The following GPC5 variants were observed in gnomAD, a reference collection of about 807,000 sequenced individuals.
GPC5 encodes the protein glypican 5.
A neutral mutation model predicts 53.9 loss-of-function variants in GPC5; 47 were observed. The observed-to-expected ratio is 0.87, with a 90% CI of 0.69 to 1.11. GPC5 has a LOEUF of 1.11. GPC5 is among the 50% of genes most tolerant of loss of function. GPC5 has a pLI of 0.00. For synonymous variants in GPC5, 286 were observed against 263.3 expected, an observed-to-expected ratio of 1.09 and a Z score of -0.84; for missense variants, 748 against 713.1, an observed-to-expected ratio of 1.05 and a Z score of -0.56.
chr13:92,031,849 T>A (rs1469403969), intron 6 of GPC5, among the ~76,000 whole-genome samples: 2 of 99,018 alleles, frequency 2.0e-5, no homozygotes, highest in Admixed American at 1.5e-4. Flanking sequence ...TATTACATAT[T>A]ATATATAATA....
chr13:92,153,932 C>T (rs1184931270), intron 7 of GPC5, among the ~76,000 whole-genome samples: 1 of 152,030 alleles, frequency 6.6e-6, no homozygotes, highest in Non-Finnish European at 1.5e-5. Context: ...GAAATTTAGC[C>T]CCTTCCCCAG....
At chr13:91,900,062 C>T (rs969827076) in intron 5 of GPC5, among the ~76,000 whole-genome samples, 28 of 151,918 alleles carry the variant, frequency 1.8e-4, no homozygotes, top group African/African-American at 6.3e-4. Flanking sequence ...TTAGAATTAT[C>T]GTATCTTGCA....
chr13:92,772,039 A>G (rs561711893), intron 7 of GPC5, among the ~76,000 whole-genome samples: 3 of 152,212 alleles, frequency 2.0e-5, no homozygotes, highest in African/African-American at 7.2e-5. Context: ...TCTTTCACAC[A>G]CTGAATTAAT....
chr13:91,521,875 G>T (rs1885834541), intron 2 of GPC5, among the ~76,000 whole-genome samples: 1 of 152,202 alleles, frequency 6.6e-6, no homozygotes, highest in Non-Finnish European at 1.5e-5. Flanking sequence ...ATAACTGACT[G>T]GCTCTAAAAT....
chr13:92,748,309 A>ATTT lies in GPC5; in HGVS notation c.1562-117971_1562-117969dup, dbSNP rs1340655374. On this transcript the variant is annotated intron_variant, in intron 7 of 7. Coordinates refer to ENST00000377067, the MANE Select transcript of GPC5 (RefSeq NM_004466.6). The stretch of plus-strand genomic sequence containing the variant: ...ATGGAGAAACTGACATCTGCATTTT[A>ATTT]TTTTATTATTATTATTATTATTATT... 6.4e-3 allele frequency among the ~76,000 whole-genome samples: 760 copies of ATTT among 117,932 alleles called. 6 individuals are homozygous for ATTT. The highest frequency in any genetic ancestry group is 0.023 in the African/African-American group (732 of 32,294). The allele number at this position is 117,932 out of a possible 152,430, so 77.4% of individuals were successfully genotyped here.
intron 7 of GPC5, among the ~76,000 whole-genome samples, chr13:92,432,810 G>A (rs143439838): frequency 1.2e-4 from 19 of 152,190 alleles, no homozygotes; most frequent in Non-Finnish European, 2.4e-4. Flanking sequence ...TAACCTCTAA[G>A]TAGCATGATT....
At chr13:91,684,165 G>A (rs917828113) in intron 2 of GPC5, among the ~76,000 whole-genome samples, 1 of 151,952 alleles carries the variant, frequency 6.6e-6, no homozygotes, top group Non-Finnish European at 1.5e-5. Context: ...TCTAATTCTT[G>A]TTGCTGGTTA....
At chr13:92,457,453 G>A (rs554849454) in intron 7 of GPC5, among the ~76,000 whole-genome samples, 1 of 151,838 alleles carries the variant, frequency 6.6e-6, no homozygotes, top group African/African-American at 2.4e-5. Context: ...ACATCTCCAG[G>A]CATTCCCATA....
intron 2 of GPC5, among the ~76,000 whole-genome samples, chr13:91,515,488 A>C (rs371093441): frequency 1.5e-4 from 23 of 152,180 alleles, no homozygotes; most frequent in East Asian, 1.3e-3. Flanking sequence ...ATTTTACATA[A>C]AAGGCTACAG....
intron 2 of GPC5, among the ~76,000 whole-genome samples, chr13:91,564,621 A>G (rs1283732918): frequency 1.3e-5 from 2 of 152,302 alleles, no homozygotes; most frequent in South Asian, 2.1e-4. Context: ...GGCAGAATAA[A>G]TCGCCTGCAG....
At chr13:92,246,172 T>C (rs2042649247) in intron 7 of GPC5, among the ~76,000 whole-genome samples, 1 of 152,112 alleles carries the variant, frequency 6.6e-6, no homozygotes, top group Admixed American at 6.5e-5. Flanking sequence ...TATTCCAAAG[T>C]AGCAACATAG....
intron 7 of GPC5, among the ~76,000 whole-genome samples, chr13:92,408,354 T>C (rs1875883365): frequency 6.6e-6 from 1 of 152,216 alleles, no homozygotes; most frequent in Non-Finnish European, 1.5e-5. Flanking sequence ...TCATGCTCAA[T>C]CAACTTTTCT....
intron 7 of GPC5, among the ~76,000 whole-genome samples, chr13:92,685,565 T>TTTTTTTTTAA (rs1887246233): frequency 1.4e-5 from 2 of 143,792 alleles, no homozygotes; most frequent in Admixed American, 7.0e-5. Context: ...TTTTAATTTT[T>TTTTTTTTTAA]TTTTTTTTTA....
chr13:91,540,416 T>C (rs1431361992), intron 2 of GPC5, among the ~76,000 whole-genome samples: 1 of 150,068 alleles, frequency 6.7e-6, no homozygotes, highest in Non-Finnish European at 1.5e-5. Flanking sequence ...AAGAGGCACA[T>C]TTTTAGTGGG....
At chr13:92,589,372 T>C (rs934601987) in intron 7 of GPC5, among the ~76,000 whole-genome samples, 1 of 152,228 alleles carries the variant, frequency 6.6e-6, no homozygotes, top group Admixed American at 6.5e-5. Flanking sequence ...GATTTTCTAC[T>C]GTTGTTTTTC....
chr13:92,738,194 T>C (rs917354614), intron 7 of GPC5, among the ~76,000 whole-genome samples: 1 of 152,098 alleles, frequency 6.6e-6, no homozygotes, highest in Admixed American at 6.6e-5. Flanking sequence ...TATATCTATG[T>C]CATCTCTTTG....
At chr13:91,422,263 T>C (rs956431021) in intron 1 of GPC5, among the ~76,000 whole-genome samples, 8 of 152,206 alleles carry the variant, frequency 5.3e-5, no homozygotes, top group African/African-American at 1.9e-4. Flanking sequence ...GCAAACTCAG[T>C]ATTTTACTCT....
chr13:92,485,972 A>G (rs1179118118), intron 7 of GPC5, among the ~76,000 whole-genome samples: 2 of 152,222 alleles, frequency 1.3e-5, no homozygotes, highest in African/African-American at 4.8e-5. Context: ...GTCTCAAAGA[A>G]AAGAAAAGAG....
In GPC5 at chr13:91,986,242, T is replaced by A. The variant is rs188144496; in HGVS notation, c.1401+78185T>A. ...CACCATGCCCGGCTAATTTTTTGTA[T>A]TTTTAGTAGAGACGGGGTTTCATCA... is the stretch of plus-strand genomic sequence containing the variant. On this transcript the variant is annotated intron_variant, in intron 6 of 7. Transcript: ENST00000377067. Among the ~76,000 whole-genome samples the A allele has an allele frequency of 1.0e-2, 1,514 of 151,816 alleles. 11 individuals carry two copies. The highest frequency in any genetic ancestry group is 0.027 in the Middle Eastern group (8 of 294).
Sources: gnomAD v4.1 joint callset for allele counts (sites outside exome capture counted in the v4.1 genomes callset) on GRCh38, gnomAD v4.1.1 for gene constraint, MANE v1.5 for transcripts, NCBI Gene and HGNC (gene_info 2026-07-23, HGNC 2026-07-21) for gene names.